The following CD96 variants were observed in gnomAD, a reference collection of about 807,000 sequenced individuals.
CD96 encodes T-cell surface protein tactile.
In CD96, 70 loss-of-function variants were observed where a neutral mutation model predicts 71.3. That is an observed-to-expected ratio of 0.98 (90% CI 0.81 to 1.20). CD96 has a LOEUF of 1.20. Ranked by LOEUF, CD96 falls within the 50% of genes most tolerant of loss-of-function variation. The pLI is 0.00. For missense variants in CD96, 742 were observed against 677.5 expected (o/e 1.10, Z -1.06); for synonymous variants, 248 against 233.0 (o/e 1.06, Z -0.59).
chr3:111,601,015 C>T, intron 7 of CD96, 101 bp downstream of exon 7: 1 of 762,526 alleles, frequency 1.3e-6, no homozygotes, highest in Non-Finnish European at 2.2e-6. Context: ...ACGTTTTAAT[C>T]TCAGAAAACT....
Position 111,610,119 on chromosome 3 carries a change from G to A in CD96, c.1180+3327G>A, listed in dbSNP as rs963771506. ...TTTACAAAATCAAATCTGGATTTCT[G>A]TCAAGATGGCAACAATAGTTTATGT... On this transcript the variant is annotated intron_variant, in intron 8 of 13. Transcript: ENST00000352690. Among the ~76,000 whole-genome samples, 8 of 152,214 alleles carry A rather than the reference G, an allele frequency of 5.3e-5. 1 individual carries two copies. Among genetic ancestry groups the A allele is most frequent in the Admixed American group, 5.2e-4 (8 of 15,282 alleles).
At chr3:111,644,816 G>T (rs543949674) in intron 12 of CD96, among the ~76,000 whole-genome samples, 4 of 152,092 alleles carry the variant, frequency 2.6e-5, no homozygotes, top group Admixed American at 6.6e-5. Flanking sequence ...ATGACAATGC[G>T]ATACCACCTT....
At chr3:111,657,220 C>T (rs998062155), downstream of CD96, among the ~76,000 whole-genome samples, 2 of 151,734 alleles carry the variant, frequency 1.3e-5, no homozygotes, top group East Asian at 3.9e-4. Context: ...GAGTTTGAGA[C>T]CAGCCTGGCC....
chr3:111,577,507 C>G (rs1324877562), intron 3 of CD96: 2 of 1,604,738 alleles, frequency 1.2e-6, no homozygotes, highest in South Asian at 2.2e-5. Context: ...CTTAGGAAAA[C>G]AGCAGCACGG....
rs1404912965 is a variant in CD96, at chr3:111,624,410, G to C, written c.1321+6G>C. ...TGGGACAGATACCAAAAAATGTTAA[G>C]TATAATCGTGGGTCCCTTGAGTCCT... is the stretch of plus-strand genomic sequence containing the variant. On this transcript the variant is annotated splice_donor_region_variant and intron_variant, in intron 10 of 13. Transcript: ENST00000352690. The C allele has an allele frequency of 1.3e-6, 2 of 1,573,218 alleles. No homozygotes were observed. Among genetic ancestry groups the C allele is most frequent in the Non-Finnish European group, 1.8e-6 (2 of 1,142,804 alleles).
In CD96 at chr3:111,649,991, C is replaced by T; in HGVS notation, c.*185C>T. 1 of 637,392 alleles carries T rather than the reference C, an allele frequency of 1.6e-6. No individual in the cohort carries two copies. 39.5% of individuals were successfully genotyped at this position (637,392 alleles called of 1,614,324 possible). On this transcript the variant is annotated 3_prime_UTR_variant, in exon 14 of 14. Transcript: ENST00000352690. ...CCATCTCCAAACGCCTGAAGCTTAA[C>T]CAAGAGTGAGAGGATATGTCATGTT... is the stretch of plus-strand genomic sequence containing the variant.
At chr3:111,573,185 G>A (rs1162013029) in intron 3 of CD96, among the ~76,000 whole-genome samples, 3 of 152,128 alleles carry the variant, frequency 2.0e-5, no homozygotes, top group Non-Finnish European at 1.5e-5. Flanking sequence ...AGTCATGAGG[G>A]AAGTTCTGCA....
chr3:111,562,936 T>A (rs1442767937), intron 2 of CD96, among the ~76,000 whole-genome samples: 2 of 152,172 alleles, frequency 1.3e-5, no homozygotes, highest in Non-Finnish European at 2.9e-5. Context: ...GACTGATACA[T>A]TAGAAAGGAT....
chr3:111,546,913 G>GACGCATACACAC (rs1934432154), intron 2 of CD96, among the ~76,000 whole-genome samples: 1 of 51,896 alleles, frequency 1.9e-5, no homozygotes, highest in Admixed American at 2.1e-4. Flanking sequence ...CACACACACA[G>GACGCATACACAC]ACACATACAC....
intron 8 of CD96, chr3:111,612,945 T>C (rs1172620321): frequency 8.9e-6 from 2 of 223,958 alleles, no homozygotes; most frequent in Non-Finnish European, 1.5e-5. Flanking sequence ...ACTATTATCA[T>C]ATAATTCTCA....
chr3:111,589,568 A>G (rs1361418947), intron 5 of CD96, among the ~76,000 whole-genome samples: 3 of 152,170 alleles, frequency 2.0e-5, no homozygotes, highest in African/African-American at 7.2e-5. Flanking sequence ...CCTCACTCTA[A>G]TATTCTTACA....
chr3:111,569,853 C>G (rs1267556204), intron 3 of CD96, among the ~76,000 whole-genome samples: 2 of 152,196 alleles, frequency 1.3e-5, no homozygotes, highest in Admixed American at 1.3e-4. Flanking sequence ...ATCGCTACCC[C>G]CAATCCAGAT....
At chr3:111,601,721 C>T (rs1937506088) in intron 7 of CD96, among the ~76,000 whole-genome samples, 1 of 152,188 alleles carries the variant, frequency 6.6e-6, no homozygotes, top group Non-Finnish European at 1.5e-5. Context: ...TAAACCACAT[C>T]CTATTTTCAG....
intron 14 of CD96, among the ~76,000 whole-genome samples, chr3:111,664,201 C>T (rs112363709): frequency 6.6e-6 from 1 of 152,034 alleles, no homozygotes; most frequent in South Asian, 2.1e-4. Flanking sequence ...ACCAAAAAGA[C>T]GTGCAAATGT....
chr3:111,593,307 A>G lies in CD96; in HGVS notation c.808-4813A>G, dbSNP rs541502905. 1.3e-5 allele frequency: 5 copies of G among 399,796 alleles called. No individual in the cohort carries two copies. The South Asian group carries it at 5.7e-4, about 45-fold the overall frequency. The allele number at this position is 399,796 out of a possible 1,614,324, so 24.8% of individuals were successfully genotyped here. ...CACAGAGTTTTACTTTGGTAGAAGCATTTATCTTTAATAGGTACATTTTAG... is the reference window on the plus strand; with the variant it reads ...CACAGAGTTTTACTTTGGTAGAAGCGTTTATCTTTAATAGGTACATTTTAG... On this transcript the variant is annotated intron_variant, in intron 5 of 13. Transcript: ENST00000352690.
rs1458564163 is a variant in CD96 at position 111,607,618 on chromosome 3, A to G, written c.1180+826A>G. ...AATTAAAACTATCAATTTTAGCTCA[A>G]AATGAGAACTGAAAATGGAATAAAA... On this transcript the variant is annotated intron_variant, in intron 8 of 13. Coordinates refer to ENST00000352690, the MANE Select transcript of CD96 (RefSeq NM_005816.5). 2.0e-5 allele frequency among the ~76,000 whole-genome samples: 3 copies of G among 152,244 alleles called. No individual in the cohort carries two copies. In the South Asian group the frequency reaches 6.2e-4, roughly 31 times the overall value.
intron 5 of CD96, among the ~76,000 whole-genome samples, chr3:111,589,628 A>G (rs1024979651): frequency 6.6e-6 from 1 of 152,212 alleles, no homozygotes; most frequent in Non-Finnish European, 1.5e-5. Context: ...GTCCTTTCAC[A>G]TACTTTTATC....
intron 8 of CD96, among the ~76,000 whole-genome samples, chr3:111,611,860 G>T (rs1937958096): frequency 6.6e-6 from 1 of 152,128 alleles, no homozygotes; most frequent in African/African-American, 2.4e-5. Flanking sequence ...AGGTGGGGTG[G>T]AACAAGGTAA....
intron 3 of CD96, 135 bp from the exon 4 acceptor site, chr3:111,578,892 A>G (rs1936340811): frequency 1.4e-6 from 1 of 702,218 alleles, no homozygotes; most frequent in Non-Finnish European, 2.7e-6. Context: ...GTAATATACT[A>G]AATGTCTTCT....
Sources: gnomAD v4.1 joint callset for allele counts (sites outside exome capture counted in the v4.1 genomes callset) on GRCh38, gnomAD v4.1.1 for gene constraint, MANE v1.5 for transcripts, NCBI Gene and HGNC (gene_info 2026-07-23, HGNC 2026-07-21) for gene names.